Variants in SDHA observed in about 807,000 individuals in gnomAD.
SDHA encodes the protein succinate dehydrogenase complex flavoprotein subunit A, also known as succinate dehydrogenase [ubiquinone] flavoprotein subunit, mitochondrial.
Under a neutral mutation model 78.4 loss-of-function variants are expected in SDHA, and 48 were observed. The observed-to-expected ratio is 0.61, with a 90% CI of 0.49 to 0.78. SDHA has a LOEUF of 0.78. Among genes scored for constraint, SDHA ranks in the 30% least tolerant of loss-of-function variants. The pLI, the probability that SDHA is intolerant of heterozygous loss-of-function variation, is 0.00. For synonymous variants in SDHA, 326 were observed against 353.9 expected (o/e 0.92, Z 0.88); for missense variants, 680 against 892.7 (o/e 0.76, Z 3.04).
At chr5:235,390 G>T in intron 9 of SDHA, 51 bp downstream of exon 9, 1 of 1,551,414 alleles carries the variant, frequency 6.4e-7, no homozygotes, top group South Asian at 1.1e-5. Context: ...TGGGACGACG[G>T]GGCCCACCTC....
downstream of SDHA, among the ~76,000 whole-genome samples, chr5:258,455 T>G (rs1579452564): frequency 9.3e-6 from 1 of 107,768 alleles, no homozygotes; most frequent in Non-Finnish European, 1.7e-5. Flanking sequence ...CCATCTCTTG[T>G]CAGAGCATTA....
chr5:265,496 G>C, the SDHA span, among the ~76,000 whole-genome samples: 4 of 152,182 alleles, frequency 2.6e-5, no homozygotes, highest in Non-Finnish European at 5.9e-5. Flanking sequence ...ACACTTGAGG[G>C]AAGATCAGCG....
In SDHA at chr5:256,748, C is replaced by A; in HGVS notation, c.*328C>A. On this transcript the variant is annotated 3_prime_UTR_variant, in exon 15 of 15. Coordinates refer to ENST00000264932, the MANE Select transcript of SDHA (RefSeq NM_004168.4). ...TGTGACTTTAGTCATATTTGTTGAC[C>A]TAAAAATCAAATGTAATCTTTGTAT... The A allele has an allele frequency of 3.0e-6, 1 of 338,700 alleles. No individual in the cohort carries two copies. Among genetic ancestry groups the A allele is most frequent in the South Asian group, 5.0e-5 (1 of 19,896 alleles). 21.0% of individuals were successfully genotyped at this position (338,700 alleles called of 1,614,324 possible).
intron 11 of SDHA, chr5:249,814 T>C (rs1579435409): frequency 6.6e-6 from 1 of 152,364 alleles, no homozygotes; most frequent in Non-Finnish European, 1.5e-5. Context: ...TGAAAAGGAA[T>C]AGATACAATT....
At chr5:255,790 A>G (rs975306066) in intron 14 of SDHA, among the ~76,000 whole-genome samples, 50 of 152,352 alleles carry the variant, frequency 3.3e-4, no homozygotes, top group African/African-American at 1.2e-3. Context: ...AGATTGAAAT[A>G]AGAGCTCACT....
At position 245,879 on chromosome 5, in the gene SDHA, C is replaced by T. The variant is rs142700868; in HGVS notation, c.1552-5113C>T. Among the ~76,000 whole-genome samples, 918 of 152,260 alleles carry T rather than the reference C, an allele frequency of 6.0e-3. 13 individuals carry two copies. The highest frequency in any genetic ancestry group is 0.021 in the African/African-American group (859 of 41,538). On this transcript the variant is annotated intron_variant, in intron 11 of 14. Transcript: ENST00000264932. ...AGGAGATCCTAGTCTCACTAGCCCT[C>T]GGCTTCCTACCTATGCCATGAGTAA...
the SDHA span, among the ~76,000 whole-genome samples, chr5:262,942 G>GT: frequency 3.3e-5 from 5 of 150,466 alleles, no homozygotes; most frequent in Admixed American, 3.3e-4. Context: ...TTAATTTTTT[G>GT]TTTTTTTTCT....
At chr5:245,514 T>A (rs1276769952) in intron 11 of SDHA, among the ~76,000 whole-genome samples, 1 of 152,220 alleles carries the variant, frequency 6.6e-6, no homozygotes, top group Non-Finnish European at 1.5e-5. Context: ...AACCTACTCA[T>A]AAAACATTTT....
At chr5:259,964 G>A (rs1737425653), downstream of SDHA, among the ~76,000 whole-genome samples, 2 of 53,750 alleles carry the variant, frequency 3.7e-5, no homozygotes, top group Non-Finnish European at 6.5e-5. Context: ...GAGCATTACC[G>A]TGTGAGCTCC....
At chr5:228,432 G>A (rs1297546818) in intron 6 of SDHA, 99 bp downstream of exon 6, 27 of 1,301,040 alleles carry the variant, frequency 2.1e-5, no homozygotes, top group Non-Finnish European at 2.6e-5. Flanking sequence ...GTAGAATAAC[G>A]GTTTAGACAC....
At chr5:266,142 T>C in the SDHA span, among the ~76,000 whole-genome samples, 1 of 152,242 alleles carries the variant, frequency 6.6e-6, no homozygotes, top group Non-Finnish European at 1.5e-5. Context: ...ACAGCTGACA[T>C]GTAATGGGAT....
chr5:248,205 T>C (rs746047301), intron 11 of SDHA, among the ~76,000 whole-genome samples: 22 of 152,272 alleles, frequency 1.4e-4, no homozygotes, highest in Admixed American at 3.9e-4. Context: ...TGAAACCTTA[T>C]GAGCTGACAC....
rs876658637 is a variant in SDHA, at chr5:224,516, G to GCA, written c.310_311dup (p.Gln104HisfsTer25). On this transcript the variant is annotated frameshift_variant, in exon 3 of 15. Coordinates refer to ENST00000264932, the MANE Select transcript of SDHA (RefSeq NM_004168.4). LOFTEE classifies it high-confidence loss of function. ...TCCTACCAGGTCACACACTGTTGCA[G>GCA]CACAGGTAAGAGAAAGGTGCCCCAC... is the stretch of plus-strand genomic sequence containing the variant. 6.2e-7 allele frequency: 1 copy of GCA among 1,612,390 alleles called. No homozygotes were observed.
intron 13 of SDHA, among the ~76,000 whole-genome samples, chr5:253,645 G>T (rs1392104301): frequency 6.6e-6 from 1 of 151,984 alleles, no homozygotes; most frequent in African/African-American, 2.4e-5. Context: ...ATATTGGCCG[G>T]GCTGGTCTCG....
chr5:248,597 GCTT>G (rs1201936814), intron 11 of SDHA, among the ~76,000 whole-genome samples: 1 of 152,124 alleles, frequency 6.6e-6, no homozygotes, highest in East Asian at 1.9e-4. Flanking sequence ...TGATAAATCT[GCTT>G]CTATAATTGA....
chr5:256,793 G>T lies in SDHA; in HGVS notation c.*373G>T. 3.7e-6 allele frequency: 1 copy of T among 268,664 alleles called. No individual in the cohort carries two copies. Among genetic ancestry groups the T allele is most frequent in the Non-Finnish European group, 7.1e-6 (1 of 140,300 alleles). The allele number at this position is 268,664 out of a possible 1,614,324, so 16.6% of individuals were successfully genotyped here. A position where few individuals can be genotyped will look rare whatever the true frequency, so the allele number is the denominator to read the frequency against. Reference sequence around the variant, plus strand: ...TTGTATTGTGTTACATCAAAATCCAGATATTTTGTATAGTTTCTTTTTTCT... The same window carrying T: ...TTGTATTGTGTTACATCAAAATCCATATATTTTGTATAGTTTCTTTTTTCT... On this transcript the variant is annotated 3_prime_UTR_variant, in exon 15 of 15. Transcript: ENST00000264932.
chr5:262,407 G>T, the SDHA span, among the ~76,000 whole-genome samples: 1 of 151,856 alleles, frequency 6.6e-6, no homozygotes, highest in South Asian at 2.1e-4. Flanking sequence ...TGTGAGATCC[G>T]CCCCCTGTCA....
chr5:252,485 A>T (rs113633535), intron 13 of SDHA, among the ~76,000 whole-genome samples: 16 of 117,474 alleles, frequency 1.4e-4, no homozygotes, highest in African/African-American at 8.3e-4. Context: ...CACCATTTCA[A>T]ACCTGCCCTG....
rs1207658556 is a variant in SDHA, at chr5:252,528, C to T, written c.1794+1060C>T. On this transcript the variant is annotated intron_variant, in intron 13 of 14. Transcript: ENST00000264932. ...AATGCCAGTTTATTAACGAGTAAGT[C>T]ACCGTTTCAAACCTGCCCTGTGGAG... 1.6e-3 allele frequency among the ~76,000 whole-genome samples: 237 copies of T among 148,082 alleles called. 3 individuals carry two copies. The highest frequency in any genetic ancestry group is 2.2e-3 in the Admixed American group (33 of 14,798).
Sources: gnomAD v4.1 joint callset for allele counts (sites outside exome capture counted in the v4.1 genomes callset) on GRCh38, gnomAD v4.1.1 for gene constraint, MANE v1.5 for transcripts, NCBI Gene and HGNC (gene_info 2026-07-23, HGNC 2026-07-21) for gene names.